LDAH: variants seen among roughly 807,000 people sequenced by gnomAD.
LDAH encodes the protein lipid droplet-associated hydrolase.
LDAH carries 26 observed loss-of-function variants against 29.6 expected under a neutral mutation model. The ratio of observed to expected loss-of-function variants is 0.88; its 90% CI spans 0.64 to 1.22. LDAH has a LOEUF of 1.22. Among genes scored for constraint, LDAH ranks in the 50% most tolerant of loss-of-function variants. The probability of loss-of-function intolerance (pLI) is 0.00; values close to 1 mark genes in which losing one functional copy is unlikely to be tolerated. For synonymous variants in LDAH, 117 were observed against 133.0 expected (o/e 0.88, Z 0.83); for missense variants, 344 against 387.3 (o/e 0.89, Z 0.94).
At chr2:20,744,243 GC>G (rs1667418725) in intron 4 of LDAH, among the ~76,000 whole-genome samples, 1 of 79,206 alleles carries the variant, frequency 1.3e-5, no homozygotes, top group Middle Eastern at 8.9e-3. Context: ...TTTTTTTTTT[GC>G]CTTTTGGTAT....
chr2:20,797,630 C>T (rs749150865), intron 2 of LDAH, among the ~76,000 whole-genome samples: 3 of 152,132 alleles, frequency 2.0e-5, no homozygotes, highest in Non-Finnish European at 2.9e-5. Context: ...TAAGCCCCAG[C>T]TCTGAGTGCA....
chr2:20,798,046 A>C (rs1237879597), intron 2 of LDAH, among the ~76,000 whole-genome samples: 1 of 152,182 alleles, frequency 6.6e-6, no homozygotes, highest in African/African-American at 2.4e-5. Context: ...ACTTCTTATA[A>C]GCAGCTCTGA....
intron 6 of LDAH, among the ~76,000 whole-genome samples, chr2:20,692,723 A>G (rs6724513): frequency 0.21 from 32,631 of 152,128 alleles, 3,734 homozygotes; most frequent in African/African-American, 0.3. Context: ...ACAACTTGAA[A>G]TGTTTCCAAC....
In LDAH at chr2:20,684,968, G is replaced by C. The variant is rs1286964425; in HGVS notation, c.*1935C>G. On this transcript the variant is annotated 3_prime_UTR_variant, in exon 7 of 7. Coordinates refer to ENST00000237822, the MANE Select transcript of LDAH (RefSeq NM_021925.4). Reference sequence around the variant, plus strand: ...AAAGGTGGCTTTTCACTTTAAAAGAGAGACTTTGAGCCGAGTCTAACTCAG... The same window carrying C: ...AAAGGTGGCTTTTCACTTTAAAAGACAGACTTTGAGCCGAGTCTAACTCAG... 3 of 1,547,572 alleles carry C rather than the reference G, an allele frequency of 1.9e-6. No homozygotes were observed. Among genetic ancestry groups the C allele is most frequent in the African/African-American group, 2.7e-5 (2 of 72,898 alleles).
At chr2:20,784,088 T>C (rs1204776011) in intron 3 of LDAH, among the ~76,000 whole-genome samples, 2 of 152,196 alleles carry the variant, frequency 1.3e-5, no homozygotes, top group Non-Finnish European at 2.9e-5. Flanking sequence ...TTTTAATTGG[T>C]ATATTTAGAC....
chr2:20,732,334 G>A (rs959700734), intron 5 of LDAH, among the ~76,000 whole-genome samples: 2 of 151,874 alleles, frequency 1.3e-5, no homozygotes, highest in Non-Finnish European at 2.9e-5. Context: ...AGGGGATACT[G>A]GCCTGTAGTT....
At chr2:20,762,821 C>T (rs1240581405) in intron 4 of LDAH, among the ~76,000 whole-genome samples, 1 of 152,190 alleles carries the variant, frequency 6.6e-6, no homozygotes, top group Non-Finnish European at 1.5e-5. Context: ...ATACTACAGA[C>T]TAGTGACTTC....
At chr2:20,683,152 C>T (rs935140983), downstream of LDAH, among the ~76,000 whole-genome samples, 6 of 152,162 alleles carry the variant, frequency 3.9e-5, no homozygotes, top group South Asian at 2.1e-4. Flanking sequence ...TCAGTGACGC[C>T]GGTCTTGCTC....
chr2:20,761,387 TA>T (rs56060348), intron 4 of LDAH, among the ~76,000 whole-genome samples: 96,750 of 151,742 alleles, frequency 0.64, 32,214 homozygotes, highest in African/African-American at 0.84. Flanking sequence ...CTTGTGGCTA[TA>T]AAAAAAAATT....
At chr2:20,773,817 C>T (rs1275523567) in intron 4 of LDAH, among the ~76,000 whole-genome samples, 4 of 152,108 alleles carry the variant, frequency 2.6e-5, no homozygotes, top group Non-Finnish European at 4.4e-5. Context: ...TTTTATCCCA[C>T]GGAGTGAGAA....
chr2:20,691,227 T>C (rs1249795860), intron 6 of LDAH, among the ~76,000 whole-genome samples: 1 of 152,228 alleles, frequency 6.6e-6, no homozygotes. Context: ...CAGTCTAGAG[T>C]GCAGTGGTGT....
chr2:20,781,045 T>C (rs115209638), intron 3 of LDAH, among the ~76,000 whole-genome samples: 2,088 of 152,318 alleles, frequency 0.014, 50 homozygotes, highest in African/African-American at 0.046. Flanking sequence ...AGTTGCAAGA[T>C]TGTATAACTT....
At position 20,694,656 on chromosome 2, in the gene LDAH, G is replaced by A. The variant is rs571253127; in HGVS notation, c.786+6914C>T. Among the ~76,000 whole-genome samples, 23 of 152,306 alleles carry A rather than the reference G, an allele frequency of 1.5e-4. No homozygotes were observed. The South Asian group carries it at 4.8e-3, about 32-fold the overall frequency. The stretch of plus-strand genomic sequence containing the variant: ...TGAGGATGGAGGTGAAAACACAAAT[G>A]CTTCCCGCCCGTGAACCCTGCTTCT... On this transcript the variant is annotated intron_variant, in intron 6 of 6. Transcript: ENST00000237822.
At chr2:20,741,663 C>T (rs1158413319) in intron 4 of LDAH, among the ~76,000 whole-genome samples, 1 of 152,206 alleles carries the variant, frequency 6.6e-6, no homozygotes, top group East Asian at 1.9e-4. Flanking sequence ...AACCACCATT[C>T]TACTCCCCAC....
intron 4 of LDAH, among the ~76,000 whole-genome samples, chr2:20,758,889 A>C (rs1382095815): frequency 6.6e-6 from 1 of 152,230 alleles, no homozygotes; most frequent in Non-Finnish European, 1.5e-5. Context: ...TATGAACGGA[A>C]GGAAACAAGG....
chr2:20,738,201 G>A (rs1043423952), intron 5 of LDAH, among the ~76,000 whole-genome samples: 3 of 151,088 alleles, frequency 2.0e-5, no homozygotes, highest in Admixed American at 1.3e-4. Context: ...GCAGTGAGCC[G>A]AGATCGCGCC....
At position 20,801,432 on chromosome 2, in the gene LDAH, A is replaced by G. The variant is rs139472393; in HGVS notation, c.32T>C (p.Val11Ala). 1.7e-4 allele frequency: 276 copies of G among 1,614,132 alleles called. No homozygotes were observed. In the African/African-American group the frequency reaches 3.3e-3, roughly 19 times the overall value. MDSELKEEIP[V>A]HEEFILCGGA... is the part of the protein sequence containing the mutation. Reference sequence around the variant, plus strand: ...ACCACACAAAATGAATTCCTCATGCACAGGAATTTCTTCCTTGAGTTCTGA... The same window carrying G: ...ACCACACAAAATGAATTCCTCATGCGCAGGAATTTCTTCCTTGAGTTCTGA... The change falls in exon 2 of 7, where the codon GTG becomes GCG. Residue 11 changes from valine to alanine, a missense_variant. By Grantham distance (64) the Val-to-Ala change is moderately conservative. Coordinates refer to ENST00000237822, the MANE Select transcript of LDAH (RefSeq NM_021925.4).
At chr2:20,778,615 C>A (rs985407504) in intron 3 of LDAH, among the ~76,000 whole-genome samples, 2 of 152,092 alleles carry the variant, frequency 1.3e-5, no homozygotes, top group African/African-American at 4.8e-5. Flanking sequence ...AAATATACTA[C>A]CTTTGCCTTT....
intron 3 of LDAH, among the ~76,000 whole-genome samples, chr2:20,788,477 C>A (rs1458416340): frequency 3.9e-5 from 6 of 152,110 alleles, no homozygotes; most frequent in Admixed American, 2.6e-4. Context: ...TCAAAACTAG[C>A]CTTCAAAGAG....
Sources: gnomAD v4.1 joint callset for allele counts (sites outside exome capture counted in the v4.1 genomes callset) on GRCh38, gnomAD v4.1.1 for gene constraint, MANE v1.5 for transcripts, NCBI Gene and HGNC (gene_info 2026-07-23, HGNC 2026-07-21) for gene names.